The following LAPTM5 variants were observed in gnomAD, a reference collection of about 807,000 sequenced individuals.
The protein encoded by LAPTM5 is lysosomal protein transmembrane 5, also known as lysosomal-associated transmembrane protein 5.
In LAPTM5, 11 loss-of-function variants were observed where a neutral mutation model predicts 30.1. That is an observed-to-expected ratio of 0.37 (90% CI 0.23 to 0.60). The LOEUF is 0.60. LAPTM5 is among the 20% of genes least tolerant of loss of function. The pLI, the probability that LAPTM5 is intolerant of heterozygous loss-of-function variation, is 0.71. For missense variants in LAPTM5, 324 were observed against 332.5 expected (o/e 0.97, Z 0.20); for synonymous variants, 151 against 137.9 (o/e 1.10, Z -0.67).
intron 1 of LAPTM5, among the ~76,000 whole-genome samples, chr1:30,755,931 G>T (rs3790502): frequency 0.044 from 6,645 of 152,256 alleles, 326 homozygotes; most frequent in East Asian, 0.21. Context: ...AAGGGCTCCC[G>T]GGGTCACCGC....
chr1:30,748,395 C>G (rs961800212), intron 1 of LAPTM5, among the ~76,000 whole-genome samples: 5 of 152,164 alleles, frequency 3.3e-5, no homozygotes, highest in African/African-American at 1.2e-4. Flanking sequence ...CACCCTGACC[C>G]TGTGTCCTAC....
At chr1:30,749,970 A>G (rs1042662043) in intron 1 of LAPTM5, among the ~76,000 whole-genome samples, 2 of 152,044 alleles carry the variant, frequency 1.3e-5, no homozygotes, top group Non-Finnish European at 2.9e-5. Flanking sequence ...CATGCAGGAG[A>G]TGTGACGGCT....
chr1:30,737,830 T>C, intron 5 of LAPTM5, 131 bp from the exon 6 acceptor site: 1 of 597,696 alleles, frequency 1.7e-6, no homozygotes, highest in Non-Finnish European at 3.0e-6. Flanking sequence ...GTCACCTTGG[T>C]CGACCGCCAC....
rs777899514 is a variant in LAPTM5 at position 30,757,751 on chromosome 1, T to G, written c.-6A>C. 1.2e-6 allele frequency: 2 copies of G among 1,612,746 alleles called. No homozygotes were observed. The highest frequency in any genetic ancestry group is 1.7e-6 in the Non-Finnish European group (2 of 1,179,644). On this transcript the variant is annotated 5_prime_UTR_variant, in exon 1 of 8. Transcript: ENST00000294507. ...GTGGACAAGCGGGGGTCCATGGTGC[T>G]GCCGTCCCCTCCTCTGAGACACTGA...
intron 1 of LAPTM5, among the ~76,000 whole-genome samples, chr1:30,755,745 G>A (rs1640199924): frequency 6.6e-6 from 1 of 152,214 alleles, no homozygotes; most frequent in East Asian, 1.9e-4. Flanking sequence ...ATTTGACTTG[G>A]CCTGCACTGA....
chr1:30,747,773 G>A (rs1164363385), intron 1 of LAPTM5, among the ~76,000 whole-genome samples: 1 of 152,176 alleles, frequency 6.6e-6, no homozygotes, highest in African/African-American at 2.4e-5. Context: ...GGCGGTACCA[G>A]AGGGGATGCG....
intron 1 of LAPTM5, 145 bp from the exon 2 acceptor site, chr1:30,742,694 C>T: frequency 1.5e-6 from 1 of 657,506 alleles, no homozygotes; most frequent in East Asian, 2.7e-5. Context: ...GCATCTCAGA[C>T]AAAAGAGTGG....
At chr1:30,753,936 T>C (rs958570922) in intron 1 of LAPTM5, among the ~76,000 whole-genome samples, 10 of 152,220 alleles carry the variant, frequency 6.6e-5, no homozygotes, top group South Asian at 6.2e-4. Flanking sequence ...TTGTACCAAA[T>C]ATGGAAAATA....
intron 1 of LAPTM5, chr1:30,745,855 T>TACAAG (rs1182074876): frequency 1.3e-5 from 2 of 152,248 alleles, no homozygotes; most frequent in Non-Finnish European, 2.9e-5. Flanking sequence ...CCCAAAACTT[T>TACAAG]ACAAGACAGG....
intron 1 of LAPTM5, among the ~76,000 whole-genome samples, chr1:30,755,489 A>T (rs1052281682): frequency 2.0e-5 from 3 of 151,860 alleles, no homozygotes; most frequent in African/African-American, 7.3e-5. Flanking sequence ...GCCATTGCTC[A>T]CCTGTTTCTC....
intron 1 of LAPTM5, among the ~76,000 whole-genome samples, chr1:30,747,876 C>T (rs1238675646): frequency 2.6e-5 from 4 of 151,920 alleles, no homozygotes; most frequent in Non-Finnish European, 4.4e-5. Flanking sequence ...TTGGAGTTGG[C>T]GTGGTGATGA....
chr1:30,757,510 A>T, intron 1 of LAPTM5, 149 bp downstream of exon 1: 1 of 813,880 alleles, frequency 1.2e-6, no homozygotes, highest in South Asian at 1.5e-5. Context: ...ACTGAGGCCC[A>T]GAGCAGGACA....
At chr1:30,741,915 C>T (rs752676339) in intron 2 of LAPTM5, 199 bp from the exon 3 acceptor site, 4 of 447,910 alleles carry the variant, frequency 8.9e-6, no homozygotes, top group East Asian at 4.0e-5. Flanking sequence ...CAGGAGGATG[C>T]GACAGAGGGT....
At chr1:30,741,410 C>T (rs951354451) in intron 3 of LAPTM5, among the ~76,000 whole-genome samples, 3 of 152,250 alleles carry the variant, frequency 2.0e-5, no homozygotes, top group Admixed American at 6.5e-5. Context: ...GCATAGCCCA[C>T]CATGCCCGGC....
At position 30,739,194 on chromosome 1, in the gene LAPTM5, C is replaced by T; in HGVS notation, c.388-132G>A. ...ACATCAGTGACTCTCGTCCCCTGTG[C>T]ACAGAGAGACATGAACACACAGATG... On this transcript the variant is annotated intron_variant, in intron 4 of 7. Transcript: ENST00000294507. This position sits in a 1 kb window ranked among gnomAD's most constrained non-coding sequence, Gnocchi z 4.2. 2 of 1,154,594 alleles carry T rather than the reference C, an allele frequency of 1.7e-6. No individual in the cohort carries two copies. The highest frequency in any genetic ancestry group is 2.4e-6 in the Non-Finnish European group (2 of 829,600). 71.5% of individuals were successfully genotyped at this position (1,154,594 alleles called of 1,614,324 possible). A position where few individuals can be genotyped will look rare whatever the true frequency, so the allele number is the denominator to read the frequency against.
intron 1 of LAPTM5, among the ~76,000 whole-genome samples, chr1:30,743,747 C>T (rs910820943): frequency 2.6e-5 from 4 of 151,316 alleles, no homozygotes. Context: ...GCTCAGCTGA[C>T]AGGCAACCAG....
rs1639842842 is a variant in LAPTM5, at chr1:30,733,534, A to G, written c.*294T>C. ...CGATAGTTGCTTGACAAACTCACCA[A>G]CTTTAGAATGGCCAATCGTCTAAAC... On this transcript the variant is annotated 3_prime_UTR_variant, in exon 8 of 8. Coordinates refer to ENST00000294507, the MANE Select transcript of LAPTM5 (RefSeq NM_006762.3). The G allele has an allele frequency of 4.1e-6, 6 of 1,453,046 alleles. No individual in the cohort carries two copies. Among genetic ancestry groups the G allele is most frequent in the Non-Finnish European group, 4.5e-6 (5 of 1,099,172 alleles). 90.0% of individuals were successfully genotyped at this position (1,453,046 alleles called of 1,614,324 possible).
At chr1:30,740,362 C>T (rs1639950562) in intron 3 of LAPTM5, among the ~76,000 whole-genome samples, 1 of 151,918 alleles carries the variant, frequency 6.6e-6, no homozygotes, top group Non-Finnish European at 1.5e-5. Context: ...GCAGAAAGAC[C>T]AACATGAGTG....
At chr1:30,747,027 G>A (rs1640056538) in intron 1 of LAPTM5, among the ~76,000 whole-genome samples, 3 of 152,140 alleles carry the variant, frequency 2.0e-5, no homozygotes, top group Admixed American at 6.5e-5. Context: ...ACAGTCTCCA[G>A]GGAACTCGAT....
Sources: allele counts gnomAD v4.1 joint callset (sites outside exome capture counted in the v4.1 genomes callset), GRCh38; gene constraint gnomAD v4.1.1; non-coding constraint Gnocchi (gnomAD v3.1); transcripts MANE v1.5; gene names NCBI Gene and HGNC (gene_info 2026-07-23, HGNC 2026-07-21).